Variants in DENND1A observed in about 807,000 individuals in gnomAD.
The protein encoded by DENND1A is DENN domain containing 1A.
DENND1A carries 51 observed loss-of-function variants against 113.7 expected under a neutral mutation model. That is an observed-to-expected ratio of 0.45 (90% confidence interval 0.36 to 0.57). DENND1A has a LOEUF of 0.57. Among genes scored for constraint, DENND1A ranks in the 20% least tolerant of loss-of-function variants. DENND1A has a pLI of 0.00. For synonymous variants in DENND1A, 565 were observed against 570.8 expected, an observed-to-expected ratio of 0.99 and a Z score of 0.14; for missense variants, 1,258 against 1,395.9, an observed-to-expected ratio of 0.90 and a Z score of 1.57.
chr9:123,656,893 A>T (rs934665483), intron 8 of DENND1A, among the ~76,000 whole-genome samples: 1 of 152,234 alleles, frequency 6.6e-6, no homozygotes, highest in African/African-American at 2.4e-5. Flanking sequence ...GTAAGTTTTT[A>T]GGCTTGAGGA....
At chr9:123,441,189 G>T (rs2046905245) in intron 18 of DENND1A, among the ~76,000 whole-genome samples, 1 of 152,316 alleles carries the variant, frequency 6.6e-6, no homozygotes, top group Middle Eastern at 3.4e-3. Flanking sequence ...AACAATGGAT[G>T]CATTACCAGT....
At chr9:123,555,795 C>T (rs952383763) in intron 13 of DENND1A, among the ~76,000 whole-genome samples, 1 of 152,176 alleles carries the variant, frequency 6.6e-6, no homozygotes, top group South Asian at 2.1e-4. Flanking sequence ...AAACTCCTCC[C>T]GTGGAGGAGC....
In DENND1A at chr9:123,810,549, C is replaced by CAAA. The variant is rs1159557273; in HGVS notation, c.89-17922_89-17920dup. ...CAACATGGTGAAAACCATGTCTCTA[C>CAAA]AAAAAAAAAAAAAAAAAAAACAAAC... On this transcript the variant is annotated intron_variant, in intron 2 of 23. Transcript: ENST00000394215. Among the ~76,000 whole-genome samples, 377 of 46,116 alleles carry CAAA rather than the reference C, an allele frequency of 8.2e-3. 8 individuals carry two copies. The highest frequency in any genetic ancestry group is 8.5e-3 in the South Asian group (9 of 1,058). The allele number at this position is 46,116 out of a possible 152,430, so 30.3% of individuals were successfully genotyped here. A position where few individuals can be genotyped will look rare whatever the true frequency, so the allele number is the denominator to read the frequency against.
chr9:123,399,382 T>A (rs1410889163), intron 21 of DENND1A, among the ~76,000 whole-genome samples: 3 of 152,170 alleles, frequency 2.0e-5, no homozygotes, highest in Admixed American at 2.0e-4. Context: ...ATTTTATTTT[T>A]TGAGATAGGG....
At chr9:123,717,813 C>G (rs1243058076) in intron 5 of DENND1A, among the ~76,000 whole-genome samples, 1 of 152,218 alleles carries the variant, frequency 6.6e-6, no homozygotes, top group Admixed American at 6.5e-5. Flanking sequence ...CCCTACCACT[C>G]TAATCAGTTG....
chr9:123,852,068 C>T (rs1843458652), intron 2 of DENND1A, among the ~76,000 whole-genome samples: 1 of 152,224 alleles, frequency 6.6e-6, no homozygotes, highest in Non-Finnish European at 1.5e-5. Flanking sequence ...GTGCCTCCTG[C>T]TGGCCCCCTT....
chr9:123,777,404 G>A (rs186405865), intron 3 of DENND1A, among the ~76,000 whole-genome samples: 16 of 152,334 alleles, frequency 1.1e-4, no homozygotes, highest in African/African-American at 4.8e-5. Flanking sequence ...TGTAGCTACC[G>A]AGTTTCCAGC....
chr9:123,863,051 A>G (rs1845279592), intron 2 of DENND1A, among the ~76,000 whole-genome samples: 2 of 152,176 alleles, frequency 1.3e-5, no homozygotes, highest in South Asian at 4.1e-4. Flanking sequence ...GGTCTTTTTT[A>G]TAGCATTTTT....
chr9:123,629,747 G>A (rs1371265632), intron 10 of DENND1A, among the ~76,000 whole-genome samples: 17 of 152,162 alleles, frequency 1.1e-4, no homozygotes, highest in Non-Finnish European at 4.4e-5. Context: ...CCTGGCTTGT[G>A]CTCCCAAACC....
chr9:123,469,987 A>G (rs944508263), intron 13 of DENND1A, among the ~76,000 whole-genome samples: 7 of 152,204 alleles, frequency 4.6e-5, no homozygotes, highest in Non-Finnish European at 8.8e-5. Context: ...TGTATTTGAC[A>G]TATCAATGGC....
chr9:123,799,549 C>T (rs767075558), intron 2 of DENND1A, among the ~76,000 whole-genome samples: 4 of 152,076 alleles, frequency 2.6e-5, no homozygotes, highest in African/African-American at 4.8e-5. Context: ...AAAAAGGTTC[C>T]ACGAAGAAGT....
intron 5 of DENND1A, among the ~76,000 whole-genome samples, chr9:123,744,532 A>G (rs937402183): frequency 6.6e-5 from 10 of 152,166 alleles, no homozygotes; most frequent in African/African-American, 2.4e-4. Flanking sequence ...TATATTGCCA[A>G]TTGTTTTCCA....
intron 1 of DENND1A, among the ~76,000 whole-genome samples, chr9:123,920,408 G>A (rs752261181): frequency 4.3e-4 from 65 of 152,162 alleles, no homozygotes; most frequent in Non-Finnish European, 7.9e-4. Flanking sequence ...CAGCCTGGGC[G>A]ACAAGAGCAA....
rs139066539 is a variant in DENND1A at position 123,523,978 on chromosome 9, G to A, written c.993+33592C>T. On this transcript the variant is annotated intron_variant, in intron 13 of 23. Transcript: ENST00000394215. ...AGGAAACAAGAGAGCAGGCCCTTTT[G>A]TGCCTGCTGAAACAGCGTGATGACA... Among the ~76,000 whole-genome samples, 53 of 152,312 alleles carry A rather than the reference G, an allele frequency of 3.5e-4. 1 individual carries two copies. In the East Asian group the frequency reaches 9.8e-3, roughly 28 times the overall value.
At chr9:123,456,561 AG>A (rs1285049103) in intron 15 of DENND1A, among the ~76,000 whole-genome samples, 1 of 152,230 alleles carries the variant, frequency 6.6e-6, no homozygotes, top group African/African-American at 2.4e-5. Flanking sequence ...CTGTAATCCC[AG>A]CACTTTGAGA....
At chr9:123,597,813 G>A (rs1404827174) in intron 11 of DENND1A, among the ~76,000 whole-genome samples, 1 of 152,092 alleles carries the variant, frequency 6.6e-6, no homozygotes, top group Admixed American at 6.5e-5. Context: ...TGAGGATGAC[G>A]TCCTATGAAC....
rs1163844269 is a variant in DENND1A at position 123,833,122 on chromosome 9, CAAAAAAAA to C, written c.89-40500_89-40493del. ...TCTGAACGATGGTGAGACCTCATCT[CAAAAAAAA>C]AAAAAAAAAAAAAAAAAAGGAAACG... On this transcript the variant is annotated intron_variant, in intron 2 of 23. Transcript: ENST00000394215. Among the ~76,000 whole-genome samples, 12 of 27,568 alleles carry C rather than the reference CAAAAAAAA, an allele frequency of 4.4e-4. No individual in the cohort carries two copies. The East Asian group carries it at 4.6e-3, about 11-fold the overall frequency. 18.1% of individuals were successfully genotyped at this position (27,568 alleles called of 152,430 possible). A position where few individuals can be genotyped will look rare whatever the true frequency, so the allele number is the denominator to read the frequency against.
chr9:123,678,409 A>G (rs2064229450), intron 5 of DENND1A, among the ~76,000 whole-genome samples: 1 of 152,218 alleles, frequency 6.6e-6, no homozygotes, highest in African/African-American at 2.4e-5. Flanking sequence ...GAAATTTTCC[A>G]AAGCTACATC....
At chr9:123,607,731 G>A (rs1401078981) in intron 11 of DENND1A, among the ~76,000 whole-genome samples, 3 of 150,888 alleles carry the variant, frequency 2.0e-5, no homozygotes, top group African/African-American at 7.3e-5. Context: ...TGACCTGGTA[G>A]CTGAAGCAAG....
Sources: gnomAD v4.1 joint callset for allele counts (sites outside exome capture counted in the v4.1 genomes callset) on GRCh38, gnomAD v4.1.1 for gene constraint, MANE v1.5 for transcripts, NCBI Gene and HGNC (gene_info 2026-07-23, HGNC 2026-07-21) for gene names.